The following PTCHD4 variants were observed in gnomAD, a reference collection of about 807,000 sequenced individuals.
PTCHD4 encodes the protein patched domain containing 4, also known as patched domain-containing protein 4.
Under a neutral mutation model 58.1 loss-of-function variants are expected in PTCHD4, and 33 were observed. The ratio of observed to expected loss-of-function variants is 0.57; its 90% confidence interval spans 0.43 to 0.76. The LOEUF (loss-of-function observed/expected upper bound fraction) is 0.76. Ranked by LOEUF, PTCHD4 falls within the 30% of genes least tolerant of loss-of-function variation. The probability of loss-of-function intolerance (pLI) is 0.00; values close to 1 mark genes in which losing one functional copy is unlikely to be tolerated. For synonymous variants in PTCHD4, 478 were observed against 409.6 expected, an observed-to-expected ratio of 1.17 and a Z score of -2.02; for missense variants, 1,058 against 1,027.1, an observed-to-expected ratio of 1.03 and a Z score of -0.41.
intron 3 of PTCHD4, among the ~76,000 whole-genome samples, chr6:48,038,173 G>A (rs891553060): frequency 6.6e-6 from 1 of 151,992 alleles, no homozygotes; most frequent in Non-Finnish European, 1.5e-5. Flanking sequence ...AAACATTGTC[G>A]AATGATGCCT....
chr6:47,954,710 CA>C (rs1766788375), intron 4 of PTCHD4, among the ~76,000 whole-genome samples: 1 of 152,060 alleles, frequency 6.6e-6, no homozygotes, highest in Non-Finnish European at 1.5e-5. Context: ...CTGTATTTTC[CA>C]AAAGTGTTTA....
rs185176312 is a variant in PTCHD4, at chr6:48,026,651, G to A, written c.418-17537C>T. ...TTAGGTCCCCTATGCTCCACTGGAA[G>A]CTCTCAAGGGATTCAGGGTCTCTCA... On this transcript the variant is annotated intron_variant, in intron 3 of 4. Transcript: ENST00000339488. 9.2e-5 allele frequency among the ~76,000 whole-genome samples: 14 copies of A among 152,160 alleles called. No individual in the cohort carries two copies. The East Asian group carries it at 2.5e-3, about 27-fold the overall frequency.
At chr6:47,884,142 A>G (rs1764109196) in intron 4 of PTCHD4, among the ~76,000 whole-genome samples, 1 of 152,006 alleles carries the variant, frequency 6.6e-6, no homozygotes, top group Admixed American at 6.6e-5. Flanking sequence ...TCATTTATGT[A>G]TCTACCCATC....
Position 47,867,781 on chromosome 6 carries a change from C to G in PTCHD4, c.*10522G>C, listed in dbSNP as rs1228999995. Among the ~76,000 whole-genome samples the G allele has an allele frequency of 2.0e-5, 3 of 151,760 alleles. No individual in the cohort carries two copies. The highest frequency in any genetic ancestry group is 7.3e-5 in the African/African-American group (3 of 41,376). ...TCCTTACTTTCCTTGAATACTCCAG[C>G]TGCAAATTTCCTCAACAGATCATGC... On this transcript the variant is annotated 3_prime_UTR_variant, in exon 5 of 5. Transcript: ENST00000339488.
rs751007699 is a variant in PTCHD4 at position 47,872,326 on chromosome 6, T to A, written c.*5977A>T. ...AATGCAGTCTTCCAAAGCATTAGAATTTTTTTCCCCCTCTGGTTTGACAGA... is the reference window on the plus strand; with the variant it reads ...AATGCAGTCTTCCAAAGCATTAGAAATTTTTTCCCCCTCTGGTTTGACAGA... On this transcript the variant is annotated 3_prime_UTR_variant, in exon 5 of 5. Transcript: ENST00000339488. Among the ~76,000 whole-genome samples, 2 of 151,620 alleles carry A rather than the reference T, an allele frequency of 1.3e-5. No individual in the cohort carries two copies. The highest frequency in any genetic ancestry group is 3.0e-5 in the Non-Finnish European group (2 of 67,750).
chr6:48,029,349 A>T (rs2814486), intron 3 of PTCHD4, among the ~76,000 whole-genome samples: 122,332 of 151,904 alleles, frequency 0.81, 49,267 homozygotes, highest in Middle Eastern at 0.85. Context: ...CTCTGATAAC[A>T]TTGAGACCAT....
chr6:47,880,083 A>G, intron 4 of PTCHD4, 147 bp from the exon 5 acceptor site: 1 of 642,770 alleles, frequency 1.6e-6, no homozygotes, highest in Non-Finnish European at 2.5e-6. Context: ...TCAAAAGTTG[A>G]GTTATGGACA....
rs1281581351 is a variant in PTCHD4, at chr6:47,878,506, G to A, written c.2329C>T (p.Leu777=). The change falls in exon 5 of 5, where the codon CTG becomes TTG. Residue 777 remains leucine (L), a synonymous_variant. Coordinates refer to ENST00000339488, the MANE Select transcript of PTCHD4 (RefSeq NM_001384253.1). ...LVPLLFVPSN[L]TFTLFKCLLL... Reference sequence around the variant, plus strand: ...AAGCATTTGAACAGTGTGAAGGTCAGGTTCGAAGGCACAAATAGAAGGGGG... The same window carrying A: ...AAGCATTTGAACAGTGTGAAGGTCAAGTTCGAAGGCACAAATAGAAGGGGG... 8.7e-6 allele frequency: 14 copies of A among 1,613,396 alleles called. No individual in the cohort carries two copies. Among genetic ancestry groups the A allele is most frequent in the Non-Finnish European group, 1.2e-5 (14 of 1,179,676 alleles).
intron 4 of PTCHD4, among the ~76,000 whole-genome samples, chr6:47,996,499 C>T (rs572432095): frequency 1.9e-4 from 29 of 152,146 alleles, no homozygotes; most frequent in Non-Finnish European, 3.4e-4. Context: ...TCTCAGGCCC[C>T]GCAGTACCCT....
chr6:47,880,753 A>G (rs1268929243), intron 4 of PTCHD4, among the ~76,000 whole-genome samples: 1 of 152,184 alleles, frequency 6.6e-6, no homozygotes, highest in Admixed American at 6.5e-5. Context: ...AGGCTTAGTC[A>G]ACACATATTA....
In PTCHD4 at chr6:47,865,891, T is replaced by C. The variant is rs1763551472; in HGVS notation, c.*12412A>G. On this transcript the variant is annotated 3_prime_UTR_variant, in exon 5 of 5. Coordinates refer to ENST00000339488, the MANE Select transcript of PTCHD4 (RefSeq NM_001384253.1). ...TATGAAACTTTCTGGTTTGTACAAA[T>C]TCAACTCCTGTACTGGAAATGTACC... is the stretch of plus-strand genomic sequence containing the variant. Among the ~76,000 whole-genome samples the C allele has an allele frequency of 6.6e-6, 1 of 151,896 alleles. No homozygotes were observed. Among genetic ancestry groups the C allele is most frequent in the Admixed American group, 6.6e-5 (1 of 15,230 alleles).
chr6:48,064,254 T>G (rs1034117871), intron 3 of PTCHD4, among the ~76,000 whole-genome samples: 1 of 152,152 alleles, frequency 6.6e-6, no homozygotes, highest in Non-Finnish European at 1.5e-5. Context: ...TTACTGCAGC[T>G]AAAATAAAGA....
chr6:47,884,787 T>C (rs759631636), intron 4 of PTCHD4, among the ~76,000 whole-genome samples: 1 of 152,188 alleles, frequency 6.6e-6, no homozygotes, highest in Non-Finnish European at 1.5e-5. Flanking sequence ...CTGTGTACCA[T>C]GAAAATGCGG....
chr6:48,000,230 T>C (rs1768667783), intron 4 of PTCHD4, among the ~76,000 whole-genome samples: 1 of 152,202 alleles, frequency 6.6e-6, no homozygotes. Flanking sequence ...ATCTTTGTTA[T>C]GTTAACATGA....
chr6:48,074,837 T>C (rs1765033781), intron 1 of PTCHD4, among the ~76,000 whole-genome samples: 1 of 152,240 alleles, frequency 6.6e-6, no homozygotes, highest in Admixed American at 6.5e-5. Context: ...AATAGAACTG[T>C]AATCTGTTCA....
intron 3 of PTCHD4, among the ~76,000 whole-genome samples, chr6:48,016,688 A>C (rs1417877061): frequency 6.6e-6 from 1 of 152,036 alleles, no homozygotes; most frequent in Non-Finnish European, 1.5e-5. Flanking sequence ...ACTGTTCTGT[A>C]GCTTTAAAAA....
intron 1 of PTCHD4, among the ~76,000 whole-genome samples, chr6:48,098,550 G>A (rs557238578): frequency 1.2e-4 from 19 of 152,208 alleles, no homozygotes; most frequent in Admixed American, 1.1e-3. Context: ...TGTTGGCCAG[G>A]ATGGCCTCGA....
rs966360988 is a variant in PTCHD4 at position 47,950,151 on chromosome 6, A to T, written c.898+58483T>A. On this transcript the variant is annotated intron_variant, in intron 4 of 4. Transcript: ENST00000339488. The stretch of plus-strand genomic sequence containing the variant: ...CGGTGTTTGGTTTTTTGTCCTTGTG[A>T]TAGTTTGCTGAGAATGATGGTTTCC... 2.7e-5 allele frequency among the ~76,000 whole-genome samples: 4 copies of T among 150,054 alleles called. No homozygotes were observed. The South Asian group carries it at 8.4e-4, about 31-fold the overall frequency.
At chr6:47,970,549 A>G (rs1309125608) in intron 4 of PTCHD4, among the ~76,000 whole-genome samples, 1 of 152,130 alleles carries the variant, frequency 6.6e-6, no homozygotes, top group Non-Finnish European at 1.5e-5. Flanking sequence ...ACCCATGGGT[A>G]GGATGAGGTT....
Sources: allele counts gnomAD v4.1 joint callset (sites outside exome capture counted in the v4.1 genomes callset), GRCh38; gene constraint gnomAD v4.1.1; transcripts MANE v1.5; gene names NCBI Gene and HGNC (gene_info 2026-07-23, HGNC 2026-07-21).